DLG2: variants seen among roughly 807,000 people sequenced by gnomAD.
DLG2 encodes the protein discs large MAGUK scaffold protein 2, also known as disks large homolog 2.
Under a neutral mutation model 132.5 loss-of-function variants are expected in DLG2, and 45 were observed. That is an observed-to-expected ratio of 0.34 (90% CI 0.27 to 0.44). DLG2 has a LOEUF of 0.44. DLG2 is among the 20% of genes least tolerant of loss of function. The pLI is 1.00. For missense variants in DLG2, 1,045 were observed against 1,196.9 expected (o/e 0.87, Z 1.87); for synonymous variants, 424 against 419.6 (o/e 1.01, Z -0.13).
intron 6 of DLG2, among the ~76,000 whole-genome samples, chr11:84,990,398 G>A (rs551490391): frequency 6.2e-4 from 95 of 152,246 alleles, no homozygotes; most frequent in African/African-American, 2.2e-3. Flanking sequence ...CCTATAAAAG[G>A]GCTTAAGGGA....
chr11:83,713,268 A>G (rs958816952), intron 18 of DLG2, among the ~76,000 whole-genome samples: 2 of 152,194 alleles, frequency 1.3e-5, no homozygotes, highest in Non-Finnish European at 2.9e-5. Context: ...TTTCCCCATA[A>G]GTTACACTAC....
At position 85,135,903 on chromosome 11, in the gene DLG2, G is replaced by A. The variant is rs17148023; in HGVS notation, c.282+18653C>T. ...CAGAAAGCATTTGGGAGTGTTTTAC[G>A]TCTACAAAATAGAGGCATTTAACCC... On this transcript the variant is annotated intron_variant, in intron 5 of 27. Transcript: ENST00000376104. 8.6e-3 allele frequency among the ~76,000 whole-genome samples: 1,307 copies of A among 152,204 alleles called. 15 individuals carry two copies. The highest frequency in any genetic ancestry group is 0.03 in the African/African-American group (1,244 of 41,554).
chr11:83,504,636 G>C (rs934932154), intron 21 of DLG2, among the ~76,000 whole-genome samples: 1 of 152,048 alleles, frequency 6.6e-6, no homozygotes, highest in African/African-American at 2.4e-5. Flanking sequence ...AGACTACCTA[G>C]GCCAGCAGAC....
At chr11:85,307,239 A>T (rs1462545939) in intron 3 of DLG2, among the ~76,000 whole-genome samples, 1 of 152,196 alleles carries the variant, frequency 6.6e-6, no homozygotes, top group Non-Finnish European at 1.5e-5. Flanking sequence ...AATGGAACGG[A>T]AGAAAACTGG....
chr11:83,727,630 A>G (rs1178396353), intron 18 of DLG2, among the ~76,000 whole-genome samples: 4 of 152,168 alleles, frequency 2.6e-5, no homozygotes, highest in Non-Finnish European at 4.4e-5. Context: ...ATTCTGTTCA[A>G]AAGTCTCTCC....
intron 6 of DLG2, among the ~76,000 whole-genome samples, chr11:84,915,686 T>A (rs2092408678): frequency 6.6e-6 from 1 of 152,198 alleles, no homozygotes; most frequent in African/African-American, 2.4e-5. Context: ...ATTAATTAAT[T>A]AATCTTAATT....
intron 3 of DLG2, among the ~76,000 whole-genome samples, chr11:85,549,367 A>G (rs1473384689): frequency 6.6e-6 from 1 of 152,126 alleles, no homozygotes; most frequent in Non-Finnish European, 1.5e-5. Flanking sequence ...AAATGCAGAA[A>G]TCACCCGCCT....
chr11:83,945,419 A>G (rs531903691), intron 14 of DLG2, among the ~76,000 whole-genome samples: 32 of 152,326 alleles, frequency 2.1e-4, no homozygotes, highest in African/African-American at 6.7e-4. Context: ...GATCTGTAAT[A>G]CAGAAGAAAA....
intron 3 of DLG2, among the ~76,000 whole-genome samples, chr11:85,573,275 C>T (rs949241498): frequency 1.3e-5 from 2 of 152,136 alleles, no homozygotes; most frequent in African/African-American, 4.8e-5. Flanking sequence ...ACCCTCCTTC[C>T]ACCACTTCAC....
chr11:83,803,067 G>A (rs573277791), intron 17 of DLG2, among the ~76,000 whole-genome samples: 2 of 151,988 alleles, frequency 1.3e-5, no homozygotes, highest in East Asian at 1.9e-4. Flanking sequence ...AGGCAAAAGG[G>A]GTTATGTAGG....
chr11:84,947,796 T>G (rs1030542820), intron 6 of DLG2, among the ~76,000 whole-genome samples: 3 of 152,264 alleles, frequency 2.0e-5, no homozygotes, highest in Admixed American at 6.5e-5. Flanking sequence ...TTGCCCATTC[T>G]CTCTGTGTAA....
intron 7 of DLG2, among the ~76,000 whole-genome samples, chr11:84,311,980 A>T (rs1326527815): frequency 6.6e-6 from 1 of 152,222 alleles, no homozygotes; most frequent in African/African-American, 2.4e-5. Flanking sequence ...TGAAGCCCTC[A>T]CTGATTCATT....
At chr11:83,924,504 G>A (rs1446029846) in intron 15 of DLG2, among the ~76,000 whole-genome samples, 1 of 152,056 alleles carries the variant, frequency 6.6e-6, no homozygotes, top group Non-Finnish European at 1.5e-5. Context: ...AAAACAAAAT[G>A]GCATGTTGTA....
At chr11:83,597,786 A>AAAACAAACAAACAAAC (rs56172449) in intron 19 of DLG2, among the ~76,000 whole-genome samples, 6 of 150,822 alleles carry the variant, frequency 4.0e-5, no homozygotes, top group African/African-American at 1.5e-4. Context: ...TCCCTGTCTC[A>AAAACAAACAAACAAAC]AAACAAACAA....
At chr11:84,528,347 C>G (rs1361407432) in intron 7 of DLG2, among the ~76,000 whole-genome samples, 3 of 152,210 alleles carry the variant, frequency 2.0e-5, no homozygotes, top group African/African-American at 7.2e-5. Context: ...CCAAAGCACT[C>G]TAATGAAAAC....
chr11:84,960,424 T>C (rs2154108308), intron 6 of DLG2, among the ~76,000 whole-genome samples: 1 of 151,934 alleles, frequency 6.6e-6, no homozygotes, highest in South Asian at 2.1e-4. Context: ...TATAACAAAA[T>C]GTAAATTCTT....
At chr11:85,608,131 A>C (rs1237499200) in intron 2 of DLG2, among the ~76,000 whole-genome samples, 4 of 152,080 alleles carry the variant, frequency 2.6e-5, no homozygotes, top group Admixed American at 2.6e-4. Context: ...GAGCACAACT[A>C]TTCTGATTAG....
At chr11:84,210,784 C>T (rs78748145) in intron 8 of DLG2, among the ~76,000 whole-genome samples, 3,961 of 151,932 alleles carry the variant, frequency 0.026, 72 homozygotes, top group East Asian at 0.074. Flanking sequence ...GTTTAAGGAA[C>T]GGCAAAACTA....
At position 85,437,117 on chromosome 11, in the gene DLG2, AG is replaced by A. The variant is rs561051176; in HGVS notation, c.41-151753del. Among the ~76,000 whole-genome samples the A allele has an allele frequency of 1.7e-3, 265 of 152,268 alleles. 1 individual carries two copies. The highest frequency in any genetic ancestry group is 6.2e-3 in the African/African-American group (257 of 41,566). Reference sequence around the variant, plus strand: ...TTGAATACTGAAAACACATGGACACAGGAAGGGGAATAACATACACCAGGAA... The same window carrying A: ...TTGAATACTGAAAACACATGGACACAGAAGGGGAATAACATACACCAGGAA... On this transcript the variant is annotated intron_variant, in intron 3 of 27. Coordinates refer to ENST00000376104, the MANE Select transcript of DLG2 (RefSeq NM_001142699.3).
Sources: gnomAD v4.1 joint callset for allele counts (sites outside exome capture counted in the v4.1 genomes callset) on GRCh38, gnomAD v4.1.1 for gene constraint, MANE v1.5 for transcripts, NCBI Gene and HGNC (gene_info 2026-07-23, HGNC 2026-07-21) for gene names.